The following MTUS1 variants were observed in gnomAD, a reference collection of about 807,000 sequenced individuals.
MTUS1 encodes microtubule associated scaffold protein 1.
A neutral mutation model predicts 120.8 loss-of-function variants in MTUS1; 109 were observed. The ratio of observed to expected loss-of-function variants is 0.90; its 90% CI spans 0.77 to 1.06. The LOEUF (loss-of-function observed/expected upper bound fraction) is 1.06, where lower values mean the gene tolerates loss of function less well. Among genes scored for constraint, MTUS1 ranks in the 50% least tolerant of loss-of-function variants. MTUS1 has a pLI of 0.00. For synonymous variants in MTUS1, 737 were observed against 550.5 expected (o/e 1.34, Z -4.74); for missense variants, 2,210 against 1,486.3 (o/e 1.49, Z -8.01).
intron 3 of MTUS1, among the ~76,000 whole-genome samples, chr8:17,738,725 A>T (rs956505625): frequency 5.9e-5 from 9 of 152,214 alleles, no homozygotes; most frequent in South Asian, 2.1e-4. Flanking sequence ...TTAATTTTCA[A>T]TAGCCACATA....
intron 2 of MTUS1, among the ~76,000 whole-genome samples, chr8:17,750,758 G>T (rs1387382052): frequency 6.6e-6 from 1 of 152,218 alleles, no homozygotes; most frequent in East Asian, 1.9e-4. Context: ...CCCAGAGCAA[G>T]CACTGAATAA....
chr8:17,678,800 G>A (rs531402587), intron 7 of MTUS1, among the ~76,000 whole-genome samples: 2 of 151,674 alleles, frequency 1.3e-5, no homozygotes, highest in South Asian at 2.1e-4. Context: ...GAGGTTTGGG[G>A]AGGGTGACCT....
chr8:17,647,133 C>T, intron 13 of MTUS1, 54 bp from the exon 14 acceptor site: 1 of 1,431,112 alleles, frequency 7.0e-7, no homozygotes, highest in Non-Finnish European at 9.7e-7. Context: ...AAAAACCCCT[C>T]ATTTCTTAAG....
chr8:17,659,274 G>A (rs1809155408), intron 8 of MTUS1, among the ~76,000 whole-genome samples: 1 of 152,104 alleles, frequency 6.6e-6, no homozygotes, highest in African/African-American at 2.4e-5. Context: ...ACAACAGACA[G>A]AGGAGAAGTG....
intron 8 of MTUS1, among the ~76,000 whole-genome samples, chr8:17,669,512 T>C (rs1811574777): frequency 6.6e-6 from 1 of 152,178 alleles, no homozygotes; most frequent in Non-Finnish European, 1.5e-5. Flanking sequence ...CTGGATTTTT[T>C]CCCCCAAGGC....
intron 6 of MTUS1, among the ~76,000 whole-genome samples, chr8:17,711,532 C>T (rs557362093): frequency 1.3e-5 from 2 of 152,286 alleles, no homozygotes; most frequent in South Asian, 4.1e-4. Context: ...CTGGATTAGG[C>T]TTTGGCCGAA....
At chr8:17,720,447 G>A (rs1209936112) in intron 4 of MTUS1, among the ~76,000 whole-genome samples, 3 of 152,022 alleles carry the variant, frequency 2.0e-5, no homozygotes, top group Admixed American at 2.0e-4. Flanking sequence ...GTCAGTGAAG[G>A]TGAAGGGAAA....
chr8:17,719,034 G>C (rs572446516), intron 4 of MTUS1, among the ~76,000 whole-genome samples: 2 of 152,212 alleles, frequency 1.3e-5, no homozygotes, highest in African/African-American at 4.8e-5. Context: ...GCTGGACGTG[G>C]TGGTAGGCAC....
chr8:17,760,498 G>A (rs1586228221), intron 1 of MTUS1, among the ~76,000 whole-genome samples: 1 of 152,150 alleles, frequency 6.6e-6, no homozygotes, highest in Non-Finnish European at 1.5e-5. Context: ...CCACCACCAT[G>A]AAGACAAAGC....
Position 17,753,773 on chromosome 8 carries a change from G to T in MTUS1, c.2035C>A (p.Gln679Lys). The T allele has an allele frequency of 6.2e-7, 1 of 1,613,040 alleles. No individual in the cohort carries two copies. The highest frequency in any genetic ancestry group is 1.1e-5 in the South Asian group (1 of 90,542). ...EKENGTSMEKQELKQEIMNET... is the reference protein window; with the variant it reads ...EKENGTSMEKKELKQEIMNET... ...TTCATAATCTCTTGTTTCAGCTCTT[G>T]TTTTTCCATAGATGTCCCATTTTCT... Residue 679 changes from glutamine to lysine, a missense_variant, in exon 2 of 15, where the codon CAA (glutamine) becomes AAA (lysine). Gln to Lys is a moderately conservative substitution (Grantham distance 53). Coordinates refer to ENST00000693296, the MANE Select transcript of MTUS1 (RefSeq NM_001363059.2).
chr8:17,745,210 T>C (rs930584033), intron 2 of MTUS1, among the ~76,000 whole-genome samples: 1 of 152,222 alleles, frequency 6.6e-6, no homozygotes, highest in South Asian at 2.1e-4. Flanking sequence ...ACGTGTACAG[T>C]TGTCCCTCGG....
chr8:17,793,340 A>G lies in MTUS1; in HGVS notation c.-155+7721T>C, dbSNP rs551683377. Among the ~76,000 whole-genome samples, 103 of 152,302 alleles carry G rather than the reference A, an allele frequency of 6.8e-4. 1 individual carries two copies. In the South Asian group the frequency reaches 0.021, roughly 31 times the overall value. On this transcript the variant is annotated intron_variant, in intron 1 of 14. Coordinates refer to ENST00000693296, the MANE Select transcript of MTUS1 (RefSeq NM_001363059.2). ...CAGTCGGACACAAGACTGAGGGTAA[A>G]CTACCTTCCCTCTGCTTGCTGAGTA...
chr8:17,773,193 TAA>T (rs1266139644), intron 1 of MTUS1, among the ~76,000 whole-genome samples: 1 of 152,062 alleles, frequency 6.6e-6, no homozygotes, highest in African/African-American at 2.4e-5. Flanking sequence ...CCAAGGAAAA[TAA>T]AAGACTGTAT....
chr8:17,777,811 T>G (rs1267829340), intron 1 of MTUS1, among the ~76,000 whole-genome samples: 1 of 152,198 alleles, frequency 6.6e-6, no homozygotes, highest in Non-Finnish European at 1.5e-5. Context: ...TTCAGCAGAT[T>G]TTCAGTATAT....
At chr8:17,697,528 T>A in intron 6 of MTUS1, 1 of 1,415,650 alleles carries the variant, frequency 7.1e-7, no homozygotes, top group South Asian at 1.7e-5. Flanking sequence ...CAGAGAGGCA[T>A]AGAAGAAAAA....
intron 1 of MTUS1, among the ~76,000 whole-genome samples, chr8:17,778,021 G>A (rs1004311092): frequency 6.6e-6 from 1 of 152,184 alleles, no homozygotes; most frequent in African/African-American, 2.4e-5. Context: ...AAACAGATGT[G>A]GGTGGGGGTA....
intron 2 of MTUS1, among the ~76,000 whole-genome samples, chr8:17,747,031 T>C (rs1334226769): frequency 6.6e-6 from 1 of 152,224 alleles, no homozygotes; most frequent in Non-Finnish European, 1.5e-5. Context: ...CTTTCTGGTC[T>C]CTCCAGCTTT....
intron 1 of MTUS1, among the ~76,000 whole-genome samples, chr8:17,758,842 C>T (rs139938689): frequency 0.017 from 2,596 of 152,242 alleles, 34 homozygotes; most frequent in South Asian, 0.067. Flanking sequence ...ATTTTTAAAC[C>T]TCATATAAAT....
At chr8:17,763,449 G>A (rs565418256) in intron 1 of MTUS1, among the ~76,000 whole-genome samples, 14 of 152,280 alleles carry the variant, frequency 9.2e-5, no homozygotes, top group Admixed American at 3.9e-4. Context: ...TTCCTTCCAC[G>A]TGGAGGGAGT....
Sources: allele counts gnomAD v4.1 joint callset (sites outside exome capture counted in the v4.1 genomes callset), GRCh38; gene constraint gnomAD v4.1.1; transcripts MANE v1.5; gene names NCBI Gene and HGNC (gene_info 2026-07-23, HGNC 2026-07-21).